RGS7: variants seen among roughly 807,000 people sequenced by gnomAD.
The protein encoded by RGS7 is regulator of G protein signaling 7.
Under a neutral mutation model 81.1 loss-of-function variants are expected in RGS7, and 27 were observed. The observed-to-expected ratio is 0.33, with a 90% CI of 0.25 to 0.46. The LOEUF (loss-of-function observed/expected upper bound fraction) is 0.46, where lower values mean the gene tolerates loss of function less well. RGS7 is among the 20% of genes least tolerant of loss of function. The pLI is 1.00. For synonymous variants in RGS7, 208 were observed against 207.7 expected (o/e 1.00, Z -0.01); for missense variants, 396 against 607.4 (o/e 0.65, Z 3.66).
intron 2 of RGS7, among the ~76,000 whole-genome samples, chr1:241,316,218 G>A (rs1282194717): frequency 6.6e-6 from 1 of 152,102 alleles, no homozygotes; most frequent in Non-Finnish European, 1.5e-5. Flanking sequence ...CACCCTCCAG[G>A]AACCTCCAAG....
intron 3 of RGS7, among the ~76,000 whole-genome samples, chr1:241,032,778 C>T (rs949107636): frequency 7.9e-5 from 12 of 152,136 alleles, no homozygotes; most frequent in Non-Finnish European, 1.8e-4. Flanking sequence ...GGGTTCTCAA[C>T]TTCATCATTA....
At chr1:240,866,518 A>C (rs1325490512) in intron 9 of RGS7, among the ~76,000 whole-genome samples, 3 of 151,984 alleles carry the variant, frequency 2.0e-5, no homozygotes, top group Non-Finnish European at 4.4e-5. Context: ...CTCAAAAAAA[A>C]AAAAAAAAAG....
At chr1:240,797,319 C>A (rs939808014) in intron 18 of RGS7, among the ~76,000 whole-genome samples, 2 of 152,146 alleles carry the variant, frequency 1.3e-5, no homozygotes, top group African/African-American at 4.8e-5. Context: ...GCATAGCAGA[C>A]AGATGCTATG....
intron 3 of RGS7, among the ~76,000 whole-genome samples, chr1:241,095,056 T>C (rs2064153384): frequency 6.6e-6 from 1 of 152,140 alleles, no homozygotes; most frequent in African/African-American, 2.4e-5. Flanking sequence ...AGTCATTAGA[T>C]AGGCTGGGGT....
At chr1:241,048,202 C>T (rs913402226) in intron 3 of RGS7, among the ~76,000 whole-genome samples, 2 of 152,078 alleles carry the variant, frequency 1.3e-5, no homozygotes, top group African/African-American at 4.8e-5. Context: ...ACTTTAGATC[C>T]GTCTATGTTC....
intron 9 of RGS7, among the ~76,000 whole-genome samples, chr1:240,854,614 A>G (rs1161710670): frequency 6.6e-6 from 1 of 152,200 alleles, no homozygotes; most frequent in Non-Finnish European, 1.5e-5. Context: ...TCCACTGGAC[A>G]ATTAGAAGGA....
At chr1:241,096,319 T>C (rs2064255845) in intron 3 of RGS7, among the ~76,000 whole-genome samples, 1 of 152,018 alleles carries the variant, frequency 6.6e-6, no homozygotes, top group African/African-American at 2.4e-5. Flanking sequence ...GGATACTAAC[T>C]AGAAAAGACT....
At chr1:241,224,143 A>G (rs2075175603) in intron 2 of RGS7, among the ~76,000 whole-genome samples, 1 of 152,046 alleles carries the variant, frequency 6.6e-6, no homozygotes, top group African/African-American at 2.4e-5. Flanking sequence ...CATGTGCAGA[A>G]CATGCAGTTT....
chr1:241,149,203 G>C (rs999422226), intron 2 of RGS7, among the ~76,000 whole-genome samples: 7 of 152,104 alleles, frequency 4.6e-5, no homozygotes, highest in Admixed American at 4.6e-4. Context: ...TCTTGCTCTT[G>C]TTGCCCAGGC....
At position 241,030,945 on chromosome 1, in the gene RGS7, C is replaced by T. The variant is rs1235998945; in HGVS notation, c.176-47816G>A. Among the ~76,000 whole-genome samples the T allele has an allele frequency of 2.6e-5, 4 of 152,178 alleles. 1 individual carries two copies. The highest frequency in any genetic ancestry group is 7.2e-5 in the African/African-American group (3 of 41,442). On this transcript the variant is annotated intron_variant, in intron 3 of 18. Transcript: ENST00000440928. ...TGCCCTGCCCCAAAACACCCCCCAA[C>T]ACAAAACATTCAGCAACTTCTTTTA... is the stretch of plus-strand genomic sequence containing the variant.
chr1:241,084,615 C>T (rs2063325724), intron 3 of RGS7, among the ~76,000 whole-genome samples: 1 of 152,158 alleles, frequency 6.6e-6, no homozygotes, highest in Non-Finnish European at 1.5e-5. Context: ...TATTAGACAA[C>T]TCTTCTGACC....
intron 2 of RGS7, among the ~76,000 whole-genome samples, chr1:241,162,008 T>C (rs567309550): frequency 5.9e-5 from 9 of 152,110 alleles, no homozygotes; most frequent in East Asian, 5.8e-4. Flanking sequence ...TGAGCCACCG[T>C]GCCCGGCCAA....
intron 6 of RGS7, among the ~76,000 whole-genome samples, chr1:240,880,544 C>T (rs1666195948): frequency 6.6e-6 from 1 of 152,240 alleles, no homozygotes; most frequent in African/African-American, 2.4e-5. Flanking sequence ...CTCGAGCTTG[C>T]TCCCCAGTGT....
chr1:241,089,287 G>A (rs1379359872), intron 3 of RGS7, among the ~76,000 whole-genome samples: 1 of 150,594 alleles, frequency 6.6e-6, no homozygotes, highest in East Asian at 1.9e-4. Context: ...TGAGAGGCAG[G>A]GAGGGACTGA....
intron 3 of RGS7, among the ~76,000 whole-genome samples, chr1:240,994,737 G>A (rs149491455): frequency 5.2e-4 from 79 of 151,894 alleles, no homozygotes; most frequent in Non-Finnish European, 9.3e-4. Flanking sequence ...CTCAATTTTA[G>A]AGGAAAACAT....
chr1:240,944,260 A>ATGTGTGTGTG lies in RGS7; in HGVS notation c.227-7564_227-7555dup, dbSNP rs35591630. 5.0e-4 allele frequency among the ~76,000 whole-genome samples: 26 copies of ATGTGTGTGTG among 51,816 alleles called. 1 individual carries two copies. Among genetic ancestry groups the ATGTGTGTGTG allele is most frequent in the African/African-American group, 1.9e-3 (25 of 13,280 alleles). 34.0% of individuals were successfully genotyped at this position (51,816 alleles called of 152,430 possible). ...CTTTAACAAGATTCTGTTATATTAT[A>ATGTGTGTGTG]TGTGTGTGTGTGTGTGTGTGTGTAT... On this transcript the variant is annotated intron_variant, in intron 4 of 18. Transcript: ENST00000440928.
intron 6 of RGS7, chr1:240,919,686 A>C: frequency 1.8e-6 from 1 of 568,716 alleles, no homozygotes; most frequent in South Asian, 2.1e-5. Flanking sequence ...AGAACCGAAC[A>C]GCTGAGGAAG....
intron 6 of RGS7, among the ~76,000 whole-genome samples, chr1:240,878,489 C>CTTTTTTTTTTTTTTTTTT (rs57896753): frequency 2.8e-4 from 33 of 117,546 alleles, no homozygotes; most frequent in Non-Finnish European, 4.3e-4. Flanking sequence ...TTTTTTCTTT[C>CTTTTTTTTTTTTTTTTTT]TTTTTTTTTT....
intron 3 of RGS7, among the ~76,000 whole-genome samples, chr1:241,002,331 T>C (rs1688268167): frequency 6.6e-6 from 1 of 151,754 alleles, no homozygotes; most frequent in South Asian, 2.1e-4. Context: ...CTCATGCCTA[T>C]AATCCCAGCT....
Sources: allele counts gnomAD v4.1 joint callset (sites outside exome capture counted in the v4.1 genomes callset), GRCh38; gene constraint gnomAD v4.1.1; transcripts MANE v1.5; gene names NCBI Gene and HGNC (gene_info 2026-07-23, HGNC 2026-07-21).